ARHGEF28: variants seen among roughly 807,000 people sequenced by gnomAD.
ARHGEF28 encodes 190 kDa guanine nucleotide exchange factor.
In ARHGEF28, 152 loss-of-function variants were observed where a neutral mutation model predicts 206.6. The ratio of observed to expected loss-of-function variants is 0.74; its 90% confidence interval spans 0.64 to 0.84. ARHGEF28 has a LOEUF of 0.84. ARHGEF28 is among the 40% of genes least tolerant of loss of function. ARHGEF28 has a pLI of 0.00. For synonymous variants in ARHGEF28, 763 were observed against 776.4 expected (o/e 0.98, Z 0.29); for missense variants, 2,028 against 2,073.2 (o/e 0.98, Z 0.42).
rs577376499 is a variant in ARHGEF28, at chr5:73,807,387, T to G, written c.1024+11996T>G. ...TAAAACAAAAAGAGCTTCATCAAGGTTTCCTGTTGTTTGTCTGTTATTTTT... is the reference window on the plus strand; with the variant it reads ...TAAAACAAAAAGAGCTTCATCAAGGGTTCCTGTTGTTTGTCTGTTATTTTT... On this transcript the variant is annotated intron_variant, in intron 9 of 35. Transcript: ENST00000513042. Among the ~76,000 whole-genome samples, 6 of 152,324 alleles carry G rather than the reference T, an allele frequency of 3.9e-5. No individual in the cohort carries two copies. The East Asian group carries it at 1.2e-3, about 29-fold the overall frequency.
Position 73,941,006 on chromosome 5 carries a change from A to G in ARHGEF28, c.5111A>G (p.Tyr1704Cys), listed in dbSNP as rs1387711908. The G allele has an allele frequency of 6.6e-7, 1 of 1,507,456 alleles. No homozygotes were observed. Among genetic ancestry groups the G allele is most frequent in the African/African-American group, 1.4e-5 (1 of 71,764 alleles). The allele number at this position is 1,507,456 out of a possible 1,614,324, so 93.4% of individuals were successfully genotyped here. The change falls in exon 36 of 36, where the codon TAC (tyrosine) becomes TGC (cysteine). Residue 1704 changes from tyrosine to cysteine, a missense_variant. This residue lies in a region of ARHGEF28 where 803 missense variants were observed against 768.0 expected (regional missense o/e 1.05). Transcript: ENST00000513042. ...GATGGAGCCAAAGAAAATATTGTTTACCTCTAATTGTGTTGTCATTTTTCC... is the reference window on the plus strand; with the variant it reads ...GATGGAGCCAAAGAAAATATTGTTTGCCTCTAATTGTGTTGTCATTTTTCC... The part of the protein sequence containing the change: ...TGDGAKENIV[Y>C]L
intron 9 of ARHGEF28, among the ~76,000 whole-genome samples, chr5:73,815,346 T>TA (rs929072949): frequency 2.6e-5 from 4 of 151,732 alleles, no homozygotes; most frequent in African/African-American, 4.8e-5. Flanking sequence ...TCAGCTTTTT[T>TA]AAAAAAAATA....
intron 9 of ARHGEF28, among the ~76,000 whole-genome samples, chr5:73,824,294 G>A (rs929378991): frequency 6.6e-5 from 10 of 152,148 alleles, no homozygotes; most frequent in African/African-American, 2.4e-4. Flanking sequence ...TGAGACCCTA[G>A]TCGGGAAGTT....
chr5:73,628,108 T>C (rs145017520), intron 1 of ARHGEF28, among the ~76,000 whole-genome samples: 128 of 152,228 alleles, frequency 8.4e-4, no homozygotes, highest in Non-Finnish European at 1.6e-3. Flanking sequence ...TTTTTAATTA[T>C]GTGAGTACTG....
At chr5:73,923,284 T>TAAA (rs3833638) in intron 35 of ARHGEF28, 46 of 831,900 alleles carry the variant, frequency 5.5e-5, no homozygotes, top group Admixed American at 2.8e-4. Context: ...TAAAGCATGG[T>TAAA]AAAAAAAAAT....
rs117414553 is a variant in ARHGEF28, at chr5:73,731,230, A to G, written c.34-18607A>G. On this transcript the variant is annotated intron_variant, in intron 2 of 35. Transcript: ENST00000513042. Reference sequence around the variant, plus strand: ...ATGTGGTCAAAAGGTTTGGAGTTGTATAGTTTGGAAGGAGGGTATAACCAG... The same window carrying G: ...ATGTGGTCAAAAGGTTTGGAGTTGTGTAGTTTGGAAGGAGGGTATAACCAG... 6.5e-3 allele frequency among the ~76,000 whole-genome samples: 995 copies of G among 152,240 alleles called. 18 individuals are homozygous for G. In the East Asian group the frequency reaches 0.076, roughly 12 times the overall value.
At chr5:73,712,345 T>C (rs1440275896) in intron 2 of ARHGEF28, among the ~76,000 whole-genome samples, 1 of 152,194 alleles carries the variant, frequency 6.6e-6, no homozygotes, top group Non-Finnish European at 1.5e-5. Flanking sequence ...TCCTTGTGAA[T>C]TGTGAGGGAA....
rs1299339734 is a variant in ARHGEF28, at chr5:73,659,008, A to AC, written c.-11-25832dup. Among the ~76,000 whole-genome samples, 3 of 129,496 alleles carry AC rather than the reference A, an allele frequency of 2.3e-5. No homozygotes were observed. The East Asian group carries it at 7.6e-4, about 33-fold the overall frequency. 85.0% of individuals were successfully genotyped at this position (129,496 alleles called of 152,430 possible). On this transcript the variant is annotated intron_variant, in intron 1 of 35. Coordinates refer to ENST00000513042, the MANE Select transcript of ARHGEF28 (RefSeq NM_001177693.2). The stretch of plus-strand genomic sequence containing the variant: ...ACACACACACACACACACACACACC[A>AC]CACTCACAGGCAGGGGACTGTATAT...
At chr5:73,770,011 C>T (rs1753133632) in intron 4 of ARHGEF28, among the ~76,000 whole-genome samples, 1 of 152,182 alleles carries the variant, frequency 6.6e-6, no homozygotes, top group African/African-American at 2.4e-5. Flanking sequence ...TTTAATCTTC[C>T]AAGCTAAGCC....
intron 20 of ARHGEF28, 51 bp downstream of exon 20, chr5:73,868,278 A>G (rs1759842963): frequency 2.0e-6 from 3 of 1,515,108 alleles, no homozygotes; most frequent in Non-Finnish European, 2.7e-6. Flanking sequence ...AGCATTTGCC[A>G]AAATGACACT....
chr5:73,810,520 G>A (rs529995567), intron 9 of ARHGEF28, among the ~76,000 whole-genome samples: 3 of 152,010 alleles, frequency 2.0e-5, no homozygotes, highest in Non-Finnish European at 4.4e-5. Context: ...TGGTAGTCAC[G>A]GGAGGAACAG....
intron 9 of ARHGEF28, among the ~76,000 whole-genome samples, chr5:73,816,045 A>G (rs1469250068): frequency 6.6e-6 from 1 of 152,118 alleles, no homozygotes; most frequent in African/African-American, 2.4e-5. Context: ...AGGGCCTTAG[A>G]GATGATCTGG....
At chr5:73,698,733 T>C (rs2112279887) in intron 2 of ARHGEF28, among the ~76,000 whole-genome samples, 1 of 152,136 alleles carries the variant, frequency 6.6e-6, no homozygotes, top group African/African-American at 2.4e-5. Context: ...CTGAGAATGC[T>C]CCTGAAGCCA....
At position 73,904,463 on chromosome 5, in the gene ARHGEF28, T is replaced by C. The variant is rs1356264250; in HGVS notation, c.4161+58T>C. The C allele has an allele frequency of 6.7e-6, 10 of 1,502,460 alleles. 1 individual carries two copies. In the South Asian group the frequency reaches 7.2e-5, roughly 11 times the overall value. 93.1% of individuals were successfully genotyped at this position (1,502,460 alleles called of 1,614,324 possible). On this transcript the variant is annotated intron_variant, in intron 33 of 35. Coordinates refer to ENST00000513042, the MANE Select transcript of ARHGEF28 (RefSeq NM_001177693.2). ...AATGGTTCTCTTAATGCAATTCTCT[T>C]TGATGATTCCCAGACTTTAAAAATG...
At chr5:73,713,825 G>A (rs889116771) in intron 2 of ARHGEF28, among the ~76,000 whole-genome samples, 20 of 152,254 alleles carry the variant, frequency 1.3e-4, no homozygotes, top group African/African-American at 4.8e-4. Context: ...CAGCTTCTGG[G>A]TTGAAGTATC....
At chr5:73,741,343 G>C in intron 2 of ARHGEF28, among the ~76,000 whole-genome samples, 1 of 41,490 alleles carries the variant, frequency 2.4e-5, no homozygotes, top group East Asian at 7.4e-4. Flanking sequence ...AAATTTATAT[G>C]TGTGTGTGTG....
chr5:73,712,736 G>A (rs1269216055), intron 2 of ARHGEF28, among the ~76,000 whole-genome samples: 2 of 152,180 alleles, frequency 1.3e-5, no homozygotes, highest in African/African-American at 4.8e-5. Flanking sequence ...CAATAGAAAA[G>A]TCCTCATTAA....
intron 35 of ARHGEF28, among the ~76,000 whole-genome samples, chr5:73,922,670 T>C (rs1284376124): frequency 2.6e-5 from 4 of 152,256 alleles, no homozygotes; most frequent in Admixed American, 2.6e-4. Flanking sequence ...CATTTTCATA[T>C]GGTTCTGTTT....
intron 15 of ARHGEF28, 41 bp downstream of exon 15, chr5:73,857,820 A>G: frequency 6.3e-7 from 1 of 1,576,904 alleles, no homozygotes. Flanking sequence ...AAATATAGAC[A>G]TTTTAGTTTC....
Sources: gnomAD v4.1 joint callset for allele counts (sites outside exome capture counted in the v4.1 genomes callset) on GRCh38, gnomAD v4.1.1 for gene constraint, gnomAD v4.1.1 regional missense constraint, MANE v1.5 for transcripts, NCBI Gene and HGNC (gene_info 2026-07-23, HGNC 2026-07-21) for gene names.